The following CNOT6L variants were observed in gnomAD, a reference collection of about 807,000 sequenced individuals.
CNOT6L encodes CCR4-NOT transcription complex subunit 6-like.
Under a neutral mutation model 64.0 loss-of-function variants are expected in CNOT6L, and 7 were observed. The observed-to-expected ratio is 0.11, with a 90% CI of 0.06 to 0.21. The LOEUF (loss-of-function observed/expected upper bound fraction) is 0.21. Among genes scored for constraint, CNOT6L ranks in the 10% least tolerant of loss-of-function variants. CNOT6L has a pLI of 1.00. For missense variants in CNOT6L, 245 were observed against 669.0 expected, an observed-to-expected ratio of 0.37 and a Z score of 6.99; for synonymous variants, 193 against 243.4, an observed-to-expected ratio of 0.79 and a Z score of 1.93.
At chr4:77,779,886 C>A (rs1728665712) in intron 1 of CNOT6L, among the ~76,000 whole-genome samples, 1 of 152,128 alleles carries the variant, frequency 6.6e-6, no homozygotes, top group African/African-American at 2.4e-5. Flanking sequence ...ATGGCATGAA[C>A]CCGGGAGGCG....
intron 1 of CNOT6L, among the ~76,000 whole-genome samples, chr4:77,778,000 T>C (rs1306555212): frequency 6.6e-6 from 1 of 152,200 alleles, no homozygotes; most frequent in Non-Finnish European, 1.5e-5. Context: ...TTTCCAACTT[T>C]CCAGGTTAAG....
intron 5 of CNOT6L, among the ~76,000 whole-genome samples, chr4:77,755,126 A>T (rs1725381229): frequency 6.6e-6 from 1 of 151,490 alleles, no homozygotes; most frequent in Non-Finnish European, 1.5e-5. Context: ...TACCAAAAAA[A>T]AGCTTACATC....
intron 5 of CNOT6L, among the ~76,000 whole-genome samples, chr4:77,749,052 T>C (rs1289553758): frequency 2.0e-5 from 3 of 152,186 alleles, no homozygotes; most frequent in Non-Finnish European, 4.4e-5. Flanking sequence ...CAGTACAACT[T>C]GATTCAAGTT....
intron 1 of CNOT6L, among the ~76,000 whole-genome samples, chr4:77,808,339 G>A (rs1382749994): frequency 1.3e-5 from 2 of 151,854 alleles, no homozygotes; most frequent in Non-Finnish European, 2.9e-5. Context: ...GTGTGCGCCT[G>A]TAATCCCAGC....
intron 1 of CNOT6L, among the ~76,000 whole-genome samples, chr4:77,797,532 T>C (rs1731003310): frequency 6.6e-6 from 1 of 152,198 alleles, no homozygotes; most frequent in Non-Finnish European, 1.5e-5. Flanking sequence ...AGTCTCACAG[T>C]GTGTTTAAGA....
intron 1 of CNOT6L, among the ~76,000 whole-genome samples, chr4:77,816,607 A>G (rs1489677751): frequency 6.6e-6 from 1 of 152,170 alleles, no homozygotes; most frequent in African/African-American, 2.4e-5. Context: ...ATTTTTATAT[A>G]AAAATATGCA....
At chr4:77,721,448 G>C (rs1313554199) in intron 11 of CNOT6L, among the ~76,000 whole-genome samples, 2 of 152,074 alleles carry the variant, frequency 1.3e-5, no homozygotes, top group African/African-American at 4.8e-5. Context: ...TATCAAGATA[G>C]CCTGAGCCCA....
At chr4:77,721,380 C>A (rs1425028985) in intron 11 of CNOT6L, among the ~76,000 whole-genome samples, 1 of 152,078 alleles carries the variant, frequency 6.6e-6, no homozygotes. Flanking sequence ...CTTTTATTAT[C>A]CCAGGTTGTG....
chr4:77,798,827 A>AC (rs1401754538), intron 1 of CNOT6L, among the ~76,000 whole-genome samples: 2 of 150,636 alleles, frequency 1.3e-5, no homozygotes, highest in East Asian at 3.9e-4. Flanking sequence ...CAATTAAAAA[A>AC]AAAAAATAGC....
chr4:77,803,037 AAAAC>A (rs1323381286), intron 1 of CNOT6L, among the ~76,000 whole-genome samples: 1 of 152,318 alleles, frequency 6.6e-6, no homozygotes, highest in East Asian at 1.9e-4. Flanking sequence ...ACAAAGTCAA[AAAAC>A]AAACAAGAAA....
rs780460284 is a variant in CNOT6L at position 77,731,426 on chromosome 4, C to T, written c.985G>A (p.Ala329Thr). Residue 329 changes from alanine to threonine, a missense_variant, in exon 9 of 12, where the codon GCT becomes ACT. By Grantham distance (58) the Ala-to-Thr change is moderately conservative (BLOSUM62 0). This residue lies in a region of CNOT6L where 94 missense variants were observed against 290.9 expected (regional missense o/e 0.32). Transcript: ENST00000504123. Reference sequence around the variant, plus strand: ...TCTTTGTGGACCTCTAATACCACAGCGACACCAATGTTATCTTTTGTCATC... The same window carrying T: ...TCTTTGTGGACCTCTAATACCACAGTGACACCAATGTTATCTTTTGTCATC... ...RVMTKDNIGV[A>T]VVLEVHKELF... The T allele has an allele frequency of 3.7e-6, 6 of 1,612,570 alleles. No individual in the cohort carries two copies. The Admixed American group carries it at 6.7e-5, about 18-fold the overall frequency.
chr4:77,814,235 G>T (rs1344697784), intron 1 of CNOT6L, among the ~76,000 whole-genome samples: 1 of 152,120 alleles, frequency 6.6e-6, no homozygotes, highest in Non-Finnish European at 1.5e-5. Flanking sequence ...AATGAAGGGT[G>T]ACTCTTGAAA....
chr4:77,738,210 A>G (rs1292783680), intron 8 of CNOT6L, among the ~76,000 whole-genome samples: 1 of 152,204 alleles, frequency 6.6e-6, no homozygotes, highest in African/African-American at 2.4e-5. Flanking sequence ...GCCTCTTCAC[A>G]GTGCAATGAT....
At chr4:77,802,286 TAAG>T (rs1343356562) in intron 1 of CNOT6L, among the ~76,000 whole-genome samples, 2 of 152,206 alleles carry the variant, frequency 1.3e-5, no homozygotes, top group African/African-American at 2.4e-5. Flanking sequence ...ATTCCAACAA[TAAG>T]AAGAGTAGAG....
chr4:77,808,713 T>C (rs1242573961), intron 1 of CNOT6L, among the ~76,000 whole-genome samples: 1 of 152,166 alleles, frequency 6.6e-6, no homozygotes, highest in African/African-American at 2.4e-5. Flanking sequence ...ATTAATTTTT[T>C]CCCTGCCTTT....
chr4:77,819,083 CCTTCGCCCGCCTCT>C, intron 1 of CNOT6L: 1 of 819,488 alleles, frequency 1.2e-6, no homozygotes, highest in South Asian at 1.5e-5. Context: ...CACCCCGGAA[CCTTCGCCCGCCTCT>C]GAAGAGACGC....
chr4:77,745,275 T>C (rs1297031837), intron 6 of CNOT6L, among the ~76,000 whole-genome samples: 1 of 152,218 alleles, frequency 6.6e-6, no homozygotes. Context: ...TATCTAAGTA[T>C]TTTTTGTGCC....
At chr4:77,776,191 TACA>T in intron 2 of CNOT6L, 77 bp downstream of exon 2, 3 of 1,430,992 alleles carry the variant, frequency 2.1e-6, no homozygotes, top group Non-Finnish European at 2.9e-6. Flanking sequence ...ATTAAAAATG[TACA>T]ACAAAAAATA....
chr4:77,819,388 C>G, upstream of CNOT6L: 1 of 1,608,808 alleles, frequency 6.2e-7, no homozygotes, highest in Middle Eastern at 1.7e-4. Flanking sequence ...CGCGCGCGCG[C>G]GCACCAGGCC....
Sources: gnomAD v4.1 joint callset for allele counts (sites outside exome capture counted in the v4.1 genomes callset) on GRCh38, gnomAD v4.1.1 for gene constraint, gnomAD v4.1.1 regional missense constraint, MANE v1.5 for transcripts, NCBI Gene and HGNC (gene_info 2026-07-23, HGNC 2026-07-21) for gene names.